PTPRR: variants seen among roughly 807,000 people sequenced by gnomAD.
The protein encoded by PTPRR is receptor-type tyrosine-protein phosphatase R.
PTPRR carries 38 observed loss-of-function variants against 77.2 expected under a neutral mutation model. The observed-to-expected ratio is 0.49, with a 90% CI of 0.38 to 0.65. The LOEUF is 0.65. PTPRR is among the 30% of genes least tolerant of loss of function. PTPRR has a pLI of 0.00. For missense variants in PTPRR, 744 were observed against 799.2 expected, an observed-to-expected ratio of 0.93 and a Z score of 0.83; for synonymous variants, 299 against 283.1, an observed-to-expected ratio of 1.06 and a Z score of -0.57.
chr12:70,769,819 T>A (rs1442668102), intron 2 of PTPRR, among the ~76,000 whole-genome samples: 2 of 151,862 alleles, frequency 1.3e-5, no homozygotes, highest in Admixed American at 6.6e-5. Flanking sequence ...GAGATATAGA[T>A]CAATGGAACA....
chr12:70,658,915 T>TA (rs869165725), intron 12 of PTPRR, among the ~76,000 whole-genome samples: 36 of 124,712 alleles, frequency 2.9e-4, no homozygotes, highest in Non-Finnish European at 4.5e-4. Flanking sequence ...TTTTTTTTTT[T>TA]ATAAGACAGA....
chr12:70,876,290 G>C (rs1893051005), intron 2 of PTPRR, among the ~76,000 whole-genome samples: 1 of 151,930 alleles, frequency 6.6e-6, no homozygotes, highest in African/African-American at 2.4e-5. Context: ...CACATACATA[G>C]ACATGTTCCT....
intron 6 of PTPRR, among the ~76,000 whole-genome samples, chr12:70,737,486 A>ATATCTATC (rs10643938): frequency 0.14 from 20,631 of 144,022 alleles, 1,487 homozygotes; most frequent in East Asian, 0.2. Flanking sequence ...TATTTAATGA[A>ATATCTATC]TATCTATCTA....
intron 2 of PTPRR, among the ~76,000 whole-genome samples, chr12:70,866,071 A>G (rs1592801737): frequency 6.6e-6 from 1 of 152,244 alleles, no homozygotes; most frequent in Admixed American, 6.5e-5. Flanking sequence ...AAATGCCCAC[A>G]AGAGAAAGCA....
intron 2 of PTPRR, among the ~76,000 whole-genome samples, chr12:70,858,766 A>C (rs1892696481): frequency 6.6e-6 from 1 of 152,054 alleles, no homozygotes; most frequent in Admixed American, 6.6e-5. Flanking sequence ...ATCTTTATAA[A>C]GGCTACTCAA....
intron 6 of PTPRR, among the ~76,000 whole-genome samples, chr12:70,737,069 G>A (rs1203435832): frequency 6.6e-6 from 1 of 152,156 alleles, no homozygotes; most frequent in African/African-American, 2.4e-5. Context: ...CTCAGCTGAT[G>A]GGTGTTGCTG....
chr12:70,904,838 G>A (rs1455724255), intron 1 of PTPRR, among the ~76,000 whole-genome samples: 3 of 151,798 alleles, frequency 2.0e-5, no homozygotes. Context: ...TAATTGAAAT[G>A]AGGACTGAGT....
Position 70,917,667 on chromosome 12 carries a change from G to A in PTPRR, c.58+2666C>T, listed in dbSNP as rs368224879. Among the ~76,000 whole-genome samples the A allele has an allele frequency of 5.9e-5, 9 of 152,074 alleles. No homozygotes were observed. In the South Asian group the frequency reaches 1.5e-3, roughly 25 times the overall value. On this transcript the variant is annotated intron_variant, in intron 1 of 13. Coordinates refer to ENST00000283228, the MANE Select transcript of PTPRR (RefSeq NM_002849.4). ...CAGTACTTCTCCCTAGCCAGAATGC[G>A]AGTCATAATCTTCTTTTTCCCCCCG... is the stretch of plus-strand genomic sequence containing the variant.
At chr12:70,893,903 T>G (rs1357733988) in intron 1 of PTPRR, among the ~76,000 whole-genome samples, 1 of 151,920 alleles carries the variant, frequency 6.6e-6, no homozygotes, top group African/African-American at 2.4e-5. Context: ...GCAATTGAAT[T>G]TATTTAGTAA....
At chr12:70,656,671 A>T in intron 13 of PTPRR, 33 bp downstream of exon 13, 1 of 1,450,836 alleles carries the variant, frequency 6.9e-7, no homozygotes, top group East Asian at 2.3e-5. Context: ...GAATGAAAAC[A>T]GTGCTCTGAA....
Position 70,684,084 on chromosome 12 carries a change from A to G in PTPRR, c.1497+43T>C, listed in dbSNP as rs751297629. ...ACTAACACAGTATCTCTTCTATAGC[A>G]ACAGAACACATATAACATTCAGAAC... On this transcript the variant is annotated intron_variant, in intron 10 of 13. Coordinates refer to ENST00000283228, the MANE Select transcript of PTPRR (RefSeq NM_002849.4). 8.5e-5 allele frequency: 136 copies of G among 1,595,740 alleles called. No homozygotes were observed. The Admixed American group carries it at 9.3e-4, about 11-fold the overall frequency.
intron 2 of PTPRR, among the ~76,000 whole-genome samples, chr12:70,816,252 C>A (rs1205561192): frequency 1.3e-5 from 2 of 151,866 alleles, no homozygotes; most frequent in Non-Finnish European, 2.9e-5. Context: ...TGAGTACACC[C>A]CAGGAAAATG....
intron 6 of PTPRR, among the ~76,000 whole-genome samples, chr12:70,728,391 G>C (rs1264732788): frequency 2.8e-5 from 4 of 141,494 alleles, no homozygotes; most frequent in Non-Finnish European, 6.1e-5. Flanking sequence ...AAACACTTCT[G>C]GTCCCAAGCA....
At chr12:70,654,386 T>A (rs1395219588) in intron 13 of PTPRR, among the ~76,000 whole-genome samples, 3 of 152,096 alleles carry the variant, frequency 2.0e-5, no homozygotes, top group Non-Finnish European at 4.4e-5. Flanking sequence ...GAGACTGGCC[T>A]GGGCAACATG....
At chr12:70,863,326 T>C (rs1892785200) in intron 2 of PTPRR, among the ~76,000 whole-genome samples, 1 of 152,138 alleles carries the variant, frequency 6.6e-6, no homozygotes, top group Non-Finnish European at 1.5e-5. Context: ...TTTACTTTTT[T>C]CAACAATCTA....
At chr12:70,663,951 T>C (rs1271997200) in intron 10 of PTPRR, among the ~76,000 whole-genome samples, 7 of 152,156 alleles carry the variant, frequency 4.6e-5, no homozygotes, top group African/African-American at 1.7e-4. Flanking sequence ...CACAAAATTA[T>C]AGAACTGAAG....
intron 6 of PTPRR, among the ~76,000 whole-genome samples, chr12:70,729,414 T>G (rs1889577078): frequency 6.6e-6 from 1 of 152,166 alleles, no homozygotes; most frequent in Non-Finnish European, 1.5e-5. Context: ...AAGCTGAATT[T>G]GGATTGGACT....
At chr12:70,857,513 A>T (rs1197880634) in intron 2 of PTPRR, among the ~76,000 whole-genome samples, 1 of 152,194 alleles carries the variant, frequency 6.6e-6, no homozygotes, top group African/African-American at 2.4e-5. Flanking sequence ...TAGAATATAA[A>T]GTTTTTAGTG....
chr12:70,820,823 T>G (rs2137039975), intron 2 of PTPRR, among the ~76,000 whole-genome samples: 1 of 152,308 alleles, frequency 6.6e-6, no homozygotes, highest in Middle Eastern at 3.4e-3. Context: ...TCCTGTTGTT[T>G]TAGCAAGAAT....
Sources: allele counts gnomAD v4.1 joint callset (sites outside exome capture counted in the v4.1 genomes callset), GRCh38; gene constraint gnomAD v4.1.1; transcripts MANE v1.5; gene names NCBI Gene and HGNC (gene_info 2026-07-23, HGNC 2026-07-21).